The following PSAT1 variants were observed in gnomAD, a reference collection of about 807,000 sequenced individuals.
PSAT1 encodes phosphoserine aminotransferase.
Under a neutral mutation model 40.3 loss-of-function variants are expected in PSAT1, and 41 were observed. The ratio of observed to expected loss-of-function variants is 1.02; its 90% CI spans 0.79 to 1.32. The LOEUF (loss-of-function observed/expected upper bound fraction) is 1.32. Among genes scored for constraint, PSAT1 ranks in the 40% most tolerant of loss-of-function variants. The pLI is 0.00. For synonymous variants in PSAT1, 147 were observed against 170.5 expected, an observed-to-expected ratio of 0.86 and a Z score of 1.07; for missense variants, 406 against 455.8, an observed-to-expected ratio of 0.89 and a Z score of 0.99.
At chr9:78,310,616 A>ATTT (rs61004589) in intron 6 of PSAT1, among the ~76,000 whole-genome samples, 18,966 of 145,802 alleles carry the variant, frequency 0.13, 1,625 homozygotes, top group East Asian at 0.42. Context: ...AAAGGAAAGA[A>ATTT]TTTTTTTTTT....
At chr9:78,315,659 T>A (rs923340843) in intron 6 of PSAT1, among the ~76,000 whole-genome samples, 5 of 152,144 alleles carry the variant, frequency 3.3e-5, no homozygotes, top group Non-Finnish European at 7.4e-5. Context: ...TGGATGTTTG[T>A]GGCTGCTGGC....
rs1828543686 is a variant in PSAT1, at chr9:78,329,086, A to C, written c.1113A>C (p.Ter371CysextTer11). ...AATTTTTGGAGATGCATCAGCTATG[A>C]ACACATCCTAACCAGGATATACTCT... ...MKKFLEMHQL[*>C] is the part of the protein sequence containing the mutation. Residue 371 changes from the stop codon to cysteine (C), a stop_lost, in exon 9 of 9, where the codon TGA (stop) becomes TGC (cysteine). Coordinates refer to ENST00000376588, the MANE Select transcript of PSAT1 (RefSeq NM_058179.4). 1 of 1,593,292 alleles carries C rather than the reference A, an allele frequency of 6.3e-7. No homozygotes were observed.
Position 78,328,262 on chromosome 9 carries a change from A to G in PSAT1, c.1007+74A>G, listed in dbSNP as rs376652012. On this transcript the variant is annotated intron_variant, in intron 8 of 8. Transcript: ENST00000376588. Reference sequence around the variant, plus strand: ...TTCAAATGCAGAATAAAACAAATCTATAGGAGCCTGCTTAGCTTGGAGTAG... The same window carrying G: ...TTCAAATGCAGAATAAAACAAATCTGTAGGAGCCTGCTTAGCTTGGAGTAG... 1.8e-4 allele frequency: 283 copies of G among 1,581,266 alleles called. 1 individual carries two copies. The African/African-American group carries it at 3.3e-3, about 18-fold the overall frequency.
At chr9:78,297,572 C>T (rs1451033952) in intron 1 of PSAT1, among the ~76,000 whole-genome samples, 3 of 152,258 alleles carry the variant, frequency 2.0e-5, no homozygotes, top group Non-Finnish European at 2.9e-5. Flanking sequence ...CACGCACCTG[C>T]AGACGCCCGG....
chr9:78,309,144 T>C (rs1828229301), intron 6 of PSAT1, among the ~76,000 whole-genome samples: 1 of 152,184 alleles, frequency 6.6e-6, no homozygotes, highest in Non-Finnish European at 1.5e-5. Context: ...GGGGATGTTG[T>C]TTTTTGTTTG....
At position 78,328,965 on chromosome 9, in the gene PSAT1, T is replaced by C. The variant is rs1014986742; in HGVS notation, c.1008-16T>C. 3 of 1,599,928 alleles carry C rather than the reference T, an allele frequency of 1.9e-6. No individual in the cohort carries two copies. The highest frequency in any genetic ancestry group is 3.3e-5 in the Admixed American group (2 of 59,992). ...GACGTTTTTGTTCTCAATGCCTGGATCTTTGGTCATTCTAGGTCTGTGGGA... is the reference window on the plus strand; with the variant it reads ...GACGTTTTTGTTCTCAATGCCTGGACCTTTGGTCATTCTAGGTCTGTGGGA... On this transcript the variant is annotated splice_polypyrimidine_tract_variant and intron_variant, in intron 8 of 8. Transcript: ENST00000376588.
chr9:78,312,819 A>T lies in PSAT1; in HGVS notation c.740+4236A>T, dbSNP rs560051841. 3.9e-5 allele frequency among the ~76,000 whole-genome samples: 6 copies of T among 152,298 alleles called. No individual in the cohort carries two copies. The South Asian group carries it at 1.2e-3, about 32-fold the overall frequency. On this transcript the variant is annotated intron_variant, in intron 6 of 8. Transcript: ENST00000376588. ...TCCCAGTGGGATGGGGATGCCTGGA[A>T]TCCTGGAATTCACAGAGGGGTGTGT... is the stretch of plus-strand genomic sequence containing the variant.
intron 7 of PSAT1, among the ~76,000 whole-genome samples, chr9:78,326,955 A>ATATATATATATATTTTTTT: frequency 1.3e-5 from 1 of 75,934 alleles, no homozygotes; most frequent in African/African-American, 9.5e-5. Flanking sequence ...ATATATATAT[A>ATATATATATATATTTTTTT]TTTTTTTTTT....
At chr9:78,308,963 T>C (rs960220383) in intron 6 of PSAT1, among the ~76,000 whole-genome samples, 8 of 151,932 alleles carry the variant, frequency 5.3e-5, no homozygotes, top group African/African-American at 1.9e-4. Flanking sequence ...TCAAAATAAA[T>C]AAATAAATAA....
intron 3 of PSAT1, among the ~76,000 whole-genome samples, chr9:78,304,373 T>C (rs1029470872): frequency 3.9e-5 from 6 of 152,194 alleles, no homozygotes; most frequent in African/African-American, 7.2e-5. Flanking sequence ...CCAAATTCCA[T>C]TGGCCAGCCT....
chr9:78,328,233 G>A (rs775483432), intron 8 of PSAT1, 45 bp downstream of exon 8: 2 of 1,612,816 alleles, frequency 1.2e-6, no homozygotes, highest in South Asian at 1.1e-5. Flanking sequence ...AATTAGCTTA[G>A]TTTTTCAAAT....
intron 3 of PSAT1, among the ~76,000 whole-genome samples, chr9:78,302,733 CAAAAAAAAAAAAAA>C (rs373285782): frequency 4.8e-5 from 5 of 104,220 alleles, no homozygotes; most frequent in Non-Finnish European, 7.7e-5. Context: ...GACTCCGTCT[CAAAAAAAAAAAAAA>C]AAAAAAAAAA....
In PSAT1 at chr9:78,317,729, C is replaced by T. The variant is rs376602543; in HGVS notation, c.794C>T (p.Ala265Val). The T allele has an allele frequency of 3.6e-5, 58 of 1,613,550 alleles. No homozygotes were observed. The highest frequency in any genetic ancestry group is 1.5e-4 in the Admixed American group (9 of 59,984). The change falls in exon 7 of 9, where the codon GCG becomes GTG. Residue 265 changes from alanine to valine, a missense_variant. By Grantham distance (64) the Ala-to-Val change is moderately conservative. Transcript: ENST00000376588. Reference protein sequence around the residue: ...LEWIKNNGGAAAMEKLSSIKS... With the variant: ...LEWIKNNGGAVAMEKLSSIKS... ...TGGATTAAAAACAATGGAGGTGCCG[C>T]GGCCATGGAGAAGCTTAGCTCCATC...
At chr9:78,308,194 T>C (rs1049355615) in intron 5 of PSAT1, among the ~76,000 whole-genome samples, 1 of 152,190 alleles carries the variant, frequency 6.6e-6, no homozygotes, top group African/African-American at 2.4e-5. Flanking sequence ...GTTAGCCCCA[T>C]CCAGGTGAGG....
intron 8 of PSAT1, 39 bp from the exon 9 acceptor site, chr9:78,328,942 C>A (rs764813250): frequency 8.6e-6 from 13 of 1,515,340 alleles, no homozygotes; most frequent in Non-Finnish European, 1.0e-5. Flanking sequence ...CGAAATTAGA[C>A]GTTTTTGTTC....
chr9:78,303,934 C>G lies in PSAT1; in HGVS notation c.192-801C>G, dbSNP rs142366732. ...CTGGGCTTATTTCTACTGCCTGTAG[C>G]CATTCTCATCATTATCTTACTTTTT... On this transcript the variant is annotated intron_variant, in intron 3 of 8. Coordinates refer to ENST00000376588, the MANE Select transcript of PSAT1 (RefSeq NM_058179.4). 5.4e-3 allele frequency among the ~76,000 whole-genome samples: 820 copies of G among 152,246 alleles called. 5 individuals carry two copies. The highest frequency in any genetic ancestry group is 0.019 in the African/African-American group (793 of 41,532).
At chr9:78,312,586 C>T (rs142422414) in intron 6 of PSAT1, among the ~76,000 whole-genome samples, 1,554 of 152,226 alleles carry the variant, frequency 0.01, 25 homozygotes, top group African/African-American at 0.036. Flanking sequence ...ATCCAAGCTA[C>T]TCGGGAGGCT....
At chr9:78,308,339 A>G in intron 5 of PSAT1, 75 bp from the exon 6 acceptor site, 2 of 1,521,490 alleles carry the variant, frequency 1.3e-6, no homozygotes, top group South Asian at 1.1e-5. Context: ...TGCTTCGGGA[A>G]GAGTTGGGAA....
rs1402701290 is a variant in PSAT1 at position 78,329,548 on chromosome 9, G to A, written c.*462G>A. ...GGTCAACATTGACCATTGGAGGAGT[G>A]GTTTAAGAGTGCCAGGCGAAGGGCA... On this transcript the variant is annotated 3_prime_UTR_variant, in exon 9 of 9. Coordinates refer to ENST00000376588, the MANE Select transcript of PSAT1 (RefSeq NM_058179.4). The A allele has an allele frequency of 5.3e-6, 1 of 188,702 alleles. No individual in the cohort carries two copies. Among genetic ancestry groups the A allele is most frequent in the Non-Finnish European group, 1.1e-5 (1 of 90,130 alleles). The allele number at this position is 188,702 out of a possible 1,614,324, so 11.7% of individuals were successfully genotyped here.
Sources: allele counts gnomAD v4.1 joint callset (sites outside exome capture counted in the v4.1 genomes callset), GRCh38; gene constraint gnomAD v4.1.1; transcripts MANE v1.5; gene names NCBI Gene and HGNC (gene_info 2026-07-23, HGNC 2026-07-21).